Variants in BRD7 observed in about 807,000 individuals in gnomAD.
BRD7 encodes the protein bromodomain containing 7, also known as bromodomain-containing protein 7.
A neutral mutation model predicts 82.1 loss-of-function variants in BRD7; 15 were observed. The observed-to-expected ratio is 0.18, with a 90% CI of 0.12 to 0.28. The LOEUF (loss-of-function observed/expected upper bound fraction) is 0.28. BRD7 is among the 10% of genes least tolerant of loss of function. BRD7 has a pLI of 1.00. For missense variants in BRD7, 638 were observed against 779.9 expected (o/e 0.82, Z 2.17); for synonymous variants, 232 against 266.9 (o/e 0.87, Z 1.27).
chr16:50,319,737 T>C (rs2036999763), intron 16 of BRD7, 150 bp downstream of exon 16: 1 of 954,244 alleles, frequency 1.0e-6, no homozygotes, highest in Non-Finnish European at 1.6e-6. Context: ...CAAATACCTT[T>C]TATGTTAGGG....
intron 2 of BRD7, among the ~76,000 whole-genome samples, chr16:50,367,643 C>G (rs1320781036): frequency 6.6e-6 from 1 of 152,202 alleles, no homozygotes; most frequent in Non-Finnish European, 1.5e-5. Context: ...ATTTTCTCAA[C>G]ACACTACAAC....
At chr16:50,362,445 G>A (rs2038968234) in intron 2 of BRD7, among the ~76,000 whole-genome samples, 1 of 152,174 alleles carries the variant, frequency 6.6e-6, no homozygotes, top group Non-Finnish European at 1.5e-5. Context: ...TTCTATTTGT[G>A]GGTGTGTATC....
intron 16 of BRD7, 54 bp downstream of exon 16, chr16:50,319,833 G>C: frequency 1.9e-6 from 3 of 1,570,000 alleles, no homozygotes; most frequent in African/African-American, 2.7e-5. Flanking sequence ...GACACTGAGG[G>C]ATGACTATAG....
chr16:50,326,882 G>A (rs553348707), intron 9 of BRD7, among the ~76,000 whole-genome samples: 1 of 152,314 alleles, frequency 6.6e-6, no homozygotes, highest in East Asian at 1.9e-4. Flanking sequence ...TGATGAAGCT[G>A]GGAATACGTG....
chr16:50,368,215 C>G lies in BRD7; in HGVS notation c.133G>C (p.Asp45His), dbSNP rs1305835528. ...TTTTTGTCTTCGAAGAGGCTGGAGTCGTGCCCCGAGCTGCCCGTGGAGAGT... is the reference window on the plus strand; with the variant it reads ...TTTTTGTCTTCGAAGAGGCTGGAGTGGTGCCCCGAGCTGCCCGTGGAGAGT... Reference protein sequence around the residue: ...TELSTGSSGHDSSLFEDKNDH... With the variant: ...TELSTGSSGHHSSLFEDKNDH... Residue 45 changes from aspartate to histidine, a missense_variant, in exon 2 of 17, where the codon GAC becomes CAC. Transcript: ENST00000394688. The G allele has an allele frequency of 1.2e-6, 2 of 1,614,228 alleles. No homozygotes were observed. The highest frequency in any genetic ancestry group is 1.7e-6 in the Non-Finnish European group (2 of 1,180,038).
At chr16:50,366,098 G>A (rs755392776) in intron 2 of BRD7, among the ~76,000 whole-genome samples, 1 of 152,172 alleles carries the variant, frequency 6.6e-6, no homozygotes, top group Non-Finnish European at 1.5e-5. Flanking sequence ...ACAAAGCAAT[G>A]CCTTCAAAAG....
At chr16:50,324,756 C>T (rs192203254) in intron 11 of BRD7, among the ~76,000 whole-genome samples, 31 of 152,366 alleles carry the variant, frequency 2.0e-4, no homozygotes, top group Non-Finnish European at 2.9e-5. Flanking sequence ...TGCTGCTTTA[C>T]CTTTCTCCAA....
chr16:50,339,065 A>G (rs1272330410), intron 6 of BRD7, among the ~76,000 whole-genome samples: 1 of 152,242 alleles, frequency 6.6e-6, no homozygotes, highest in Non-Finnish European at 1.5e-5. Flanking sequence ...ATTTTTTGCC[A>G]CTGTGTATAA....
chr16:50,324,132 T>C (rs1196974131), intron 11 of BRD7, among the ~76,000 whole-genome samples: 1 of 152,076 alleles, frequency 6.6e-6, no homozygotes, highest in Non-Finnish European at 1.5e-5. Flanking sequence ...ATGCTAGATC[T>C]TCCCCCCAAG....
intron 10 of BRD7, 118 bp from the exon 11 acceptor site, chr16:50,326,001 A>C: frequency 9.2e-7 from 1 of 1,084,468 alleles, no homozygotes; most frequent in Non-Finnish European, 1.3e-6. Context: ...CTGGTTTGCA[A>C]ATCTAAGATA....
At position 50,317,007 on chromosome 16, in the gene BRD7, C is replaced by G. The variant is rs2036829862; in HGVS notation, c.*2204G>C. On this transcript the variant is annotated 3_prime_UTR_variant, in exon 17 of 17. Coordinates refer to ENST00000394688, the MANE Select transcript of BRD7 (RefSeq NM_013263.5). ...GTGACTGACCAGACTTGTTGGGGTC[C>G]TGGGATGAGTTGCCCCGGGCTGCAA... 1 of 152,702 alleles carries G rather than the reference C, an allele frequency of 6.5e-6. No homozygotes were observed. The highest frequency in any genetic ancestry group is 2.1e-4 in the South Asian group (1 of 4,832). The allele number at this position is 152,702 out of a possible 1,614,324, so 9.5% of individuals were successfully genotyped here. A position where few individuals can be genotyped will look rare whatever the true frequency, so the allele number is the denominator to read the frequency against.
chr16:50,319,657 A>T (rs920503691), intron 16 of BRD7, among the ~76,000 whole-genome samples: 1 of 152,264 alleles, frequency 6.6e-6, no homozygotes, highest in Non-Finnish European at 1.5e-5. Context: ...ACAGTCTATT[A>T]ACTACATTCT....
intron 8 of BRD7, among the ~76,000 whole-genome samples, chr16:50,329,398 T>A (rs1470204249): frequency 6.6e-6 from 1 of 152,204 alleles, no homozygotes; most frequent in African/African-American, 2.4e-5. Flanking sequence ...ACCATCTCAC[T>A]GCCACCCAAG....
chr16:50,368,353 C>T, intron 1 of BRD7, 55 bp from the exon 2 acceptor site: 3 of 1,561,868 alleles, frequency 1.9e-6, no homozygotes, highest in South Asian at 1.1e-5. Flanking sequence ...TCGGGGCTCT[C>T]CAGGGAGTGC....
chr16:50,367,978 A>C (rs2039211222), intron 2 of BRD7, 112 bp downstream of exon 2: 1 of 1,094,846 alleles, frequency 9.1e-7, no homozygotes, highest in Admixed American at 2.0e-5. Context: ...TCCTCAAACG[A>C]GCCAGATCTT....
Position 50,328,761 on chromosome 16 carries a change from T to C in BRD7, c.1012-17A>G, listed in dbSNP as rs751164926. 6.2e-7 allele frequency: 1 copy of C among 1,611,224 alleles called. No individual in the cohort carries two copies. The highest frequency in any genetic ancestry group is 8.5e-7 in the Non-Finnish European group (1 of 1,178,206). On this transcript the variant is annotated splice_polypyrimidine_tract_variant and intron_variant, in intron 8 of 16. Coordinates refer to ENST00000394688, the MANE Select transcript of BRD7 (RefSeq NM_013263.5). ...AAATTCGCACTGCAATGACCCAAAGTATTCAGATGGAATGAAGTGTTTTAT... is the reference window on the plus strand; with the variant it reads ...AAATTCGCACTGCAATGACCCAAAGCATTCAGATGGAATGAAGTGTTTTAT...
At chr16:50,349,873 A>G (rs1455913021) in intron 5 of BRD7, 150 bp downstream of exon 5, 1 of 682,792 alleles carries the variant, frequency 1.5e-6, no homozygotes, top group Non-Finnish European at 2.3e-6. Flanking sequence ...CACCAAGCTC[A>G]TAAAGTTTTC....
chr16:50,336,318 C>T (rs2037796502), intron 6 of BRD7, among the ~76,000 whole-genome samples: 1 of 152,088 alleles, frequency 6.6e-6, no homozygotes, highest in Admixed American at 6.6e-5. Context: ...AGAAAGGAAA[C>T]AAAGTCAAAG....
chr16:50,321,335 CG>C (rs1485342289), intron 13 of BRD7, among the ~76,000 whole-genome samples: 1 of 151,898 alleles, frequency 6.6e-6, no homozygotes, highest in Admixed American at 6.6e-5. Flanking sequence ...CCGAGGTGGG[CG>C]GATCACCTGA....
Sources: gnomAD v4.1 joint callset for allele counts (sites outside exome capture counted in the v4.1 genomes callset) on GRCh38, gnomAD v4.1.1 for gene constraint, MANE v1.5 for transcripts, NCBI Gene and HGNC (gene_info 2026-07-23, HGNC 2026-07-21) for gene names.